The following MARS1 variants were observed in gnomAD, a reference collection of about 807,000 sequenced individuals.
MARS1 encodes methionyl-tRNA synthetase 1, also known as methionine--tRNA ligase, cytoplasmic.
MARS1 carries 80 observed loss-of-function variants against 119.5 expected under a neutral mutation model. The observed-to-expected ratio is 0.67, with a 90% confidence interval of 0.56 to 0.81. MARS1 has a LOEUF of 0.81. MARS1 is among the 30% of genes least tolerant of loss of function. MARS1 has a pLI of 0.00. For synonymous variants in MARS1, 418 were observed against 433.4 expected (o/e 0.96, Z 0.44); for missense variants, 945 against 1,116.5 (o/e 0.85, Z 2.19).
intron 7 of MARS1, among the ~76,000 whole-genome samples, chr12:57,497,333 GATAT>G (rs1166922696): frequency 1.3e-5 from 2 of 152,178 alleles, no homozygotes; most frequent in Admixed American, 1.3e-4. Flanking sequence ...CATCTATTGG[GATAT>G]ATAGCAGCAG....
intron 11 of MARS1, among the ~76,000 whole-genome samples, chr12:57,509,820 C>T (rs1296638972): frequency 6.6e-6 from 1 of 152,216 alleles, no homozygotes; most frequent in Non-Finnish European, 1.5e-5. Flanking sequence ...CCTTCTTCCA[C>T]TGTAGGTGTC....
rs1174722256 is a variant in MARS1 at position 57,498,611 on chromosome 12, C to T, written c.1079C>T (p.Pro360Leu). 6.2e-7 allele frequency: 1 copy of T among 1,614,132 alleles called. No individual in the cohort carries two copies. The highest frequency in any genetic ancestry group is 1.3e-5 in the African/African-American group (1 of 75,044). The change falls in exon 9 of 21, where the codon CCA (proline) becomes CTA (leucine). Residue 360 changes from proline to leucine, a missense_variant. By Grantham distance (98) the Pro-to-Leu change is moderately conservative. Transcript: ENST00000262027. The stretch of plus-strand genomic sequence containing the variant: ...GATATTTTTGGTCGCACCACCACTC[C>T]ACAGCAGACCAAGTAAGTTTCCTCT... ...SFDIFGRTTT[P>L]QQTKITQDIF... is the part of the protein sequence containing the mutation.
intron 11 of MARS1, among the ~76,000 whole-genome samples, chr12:57,505,160 A>AT (rs1337480327): frequency 2.2e-5 from 3 of 138,754 alleles, no homozygotes; most frequent in Admixed American, 2.2e-4. Flanking sequence ...TGACCTCCTG[A>AT]TTTGTTTTTT....
At chr12:57,510,910 C>T (rs1437902985) in intron 11 of MARS1, among the ~76,000 whole-genome samples, 2 of 151,952 alleles carry the variant, frequency 1.3e-5, no homozygotes, top group Non-Finnish European at 1.5e-5. Flanking sequence ...CCCATCTCTA[C>T]TAAAAATACA....
chr12:57,493,718 T>TATAATATATA, intron 7 of MARS1, among the ~76,000 whole-genome samples: 1 of 15,068 alleles, frequency 6.6e-5, no homozygotes, highest in Non-Finnish European at 9.2e-5. Context: ...TATTATATAT[T>TATAATATATA]ATATATTATA....
intron 10 of MARS1, among the ~76,000 whole-genome samples, chr12:57,502,722 AG>A (rs772137983): frequency 3.8e-5 from 5 of 130,858 alleles, no homozygotes; most frequent in African/African-American, 2.8e-5. Flanking sequence ...AAAAAAAAAA[AG>A]CAACAACAAC....
intron 11 of MARS1, among the ~76,000 whole-genome samples, chr12:57,507,759 C>T (rs1360602852): frequency 7.5e-5 from 11 of 147,030 alleles, no homozygotes; most frequent in Non-Finnish European, 1.7e-4. Context: ...GGGGGCTGAC[C>T]CCCCACCTCC....
Position 57,511,748 on chromosome 12 carries a change from C to G in MARS1, c.1419C>G (p.Asp473Glu). 6.2e-7 allele frequency: 1 copy of G among 1,614,228 alleles called. No individual in the cohort carries two copies. The highest frequency in any genetic ancestry group is 8.5e-7 in the Non-Finnish European group (1 of 1,180,040). ...EWLGRTLPGSDWTPNAQFITR... is the reference protein window; with the variant it reads ...EWLGRTLPGSEWTPNAQFITR... ...TGGGGAGGACATTGCCTGGCAGTGACTGGACACCCAATGCCCAGTTTATCA... is the reference window on the plus strand; with the variant it reads ...TGGGGAGGACATTGCCTGGCAGTGAGTGGACACCCAATGCCCAGTTTATCA... The change falls in exon 12 of 21, where the codon GAC becomes GAG. Residue 473 changes from aspartate to glutamate, a missense_variant. Transcript: ENST00000262027.
chr12:57,496,322 C>T (rs1876631039), intron 7 of MARS1, among the ~76,000 whole-genome samples: 1 of 150,960 alleles, frequency 6.6e-6, no homozygotes, highest in Non-Finnish European at 1.5e-5. Context: ...CACCACCAGG[C>T]CCGGCTAATT....
intron 11 of MARS1, among the ~76,000 whole-genome samples, chr12:57,507,298 A>G (rs1384005632): frequency 6.8e-6 from 1 of 148,104 alleles, no homozygotes; most frequent in African/African-American, 2.5e-5. Flanking sequence ...TCTTTTCCCC[A>G]CCTTTCCCCC....
chr12:57,488,418 C>T, intron 1 of MARS1: 1 of 776,748 alleles, frequency 1.3e-6, no homozygotes, highest in East Asian at 2.7e-5. Context: ...TATCTCTCTC[C>T]TCCCCTCTTC....
chr12:57,490,001 A>C, intron 5 of MARS1, 30 bp downstream of exon 5: 2 of 1,601,116 alleles, frequency 1.2e-6, no homozygotes, highest in Non-Finnish European at 1.7e-6. Flanking sequence ...CTCCAACCCT[A>C]GGAGCTTGGT....
At chr12:57,510,590 G>T (rs1239285798) in intron 11 of MARS1, among the ~76,000 whole-genome samples, 1 of 151,322 alleles carries the variant, frequency 6.6e-6, no homozygotes, top group African/African-American at 2.4e-5. Context: ...GGGCAACAGA[G>T]TGACACCCTA....
At chr12:57,495,249 G>A (rs1230817318) in intron 7 of MARS1, among the ~76,000 whole-genome samples, 1 of 151,050 alleles carries the variant, frequency 6.6e-6, no homozygotes, top group African/African-American at 2.4e-5. Context: ...CGGGGCGGCT[G>A]GCGGGGCGGG....
chr12:57,490,736 ATC>A, intron 7 of MARS1, 92 bp downstream of exon 7: 1 of 786,626 alleles, frequency 1.3e-6, no homozygotes. Context: ...CCGTTTGCTG[ATC>A]TCTCTTTAAT....
chr12:57,509,353 T>C (rs1877399033), intron 11 of MARS1, among the ~76,000 whole-genome samples: 1 of 152,234 alleles, frequency 6.6e-6, no homozygotes, highest in Admixed American at 6.5e-5. Flanking sequence ...TCATTGCTAC[T>C]GGGTGTCTTT....
rs559949085 is a variant in MARS1 at position 57,495,185 on chromosome 12, C to T, written c.771-2972C>T. On this transcript the variant is annotated intron_variant, in intron 7 of 20. Transcript: ENST00000262027. ...CTGCCGGGCGGGGGCTGCCCCCCAC[C>T]TCCCGGATGGGGCGGCTGGCCAGGC... is the stretch of plus-strand genomic sequence containing the variant. Among the ~76,000 whole-genome samples, 19 of 150,492 alleles carry T rather than the reference C, an allele frequency of 1.3e-4. No individual in the cohort carries two copies. In the South Asian group the frequency reaches 3.6e-3, roughly 28 times the overall value.
chr12:57,510,890 C>G (rs1412311776), intron 11 of MARS1, among the ~76,000 whole-genome samples: 1 of 151,912 alleles, frequency 6.6e-6, no homozygotes, highest in Non-Finnish European at 1.5e-5. Context: ...GGGTGGGCAA[C>G]TTGGTGAAAC....
Position 57,516,609 on chromosome 12 carries a change from T to C in MARS1, c.*28T>C. On this transcript the variant is annotated 3_prime_UTR_variant, in exon 21 of 21. Coordinates refer to ENST00000262027, the MANE Select transcript of MARS1 (RefSeq NM_004990.4). Reference sequence around the variant, plus strand: ...GACCTTGGCTCATAGAAAGTCACTTTAATAGATAGGGACAGTAATAAATAA... The same window carrying C: ...GACCTTGGCTCATAGAAAGTCACTTCAATAGATAGGGACAGTAATAAATAA... 1 of 1,552,774 alleles carries C rather than the reference T, an allele frequency of 6.4e-7. No individual in the cohort carries two copies. Among genetic ancestry groups the C allele is most frequent in the Non-Finnish European group, 8.6e-7 (1 of 1,156,482 alleles).
Sources: gnomAD v4.1 joint callset for allele counts (sites outside exome capture counted in the v4.1 genomes callset) on GRCh38, gnomAD v4.1.1 for gene constraint, MANE v1.5 for transcripts, NCBI Gene and HGNC (gene_info 2026-07-23, HGNC 2026-07-21) for gene names.